The following AXDND1 variants were observed in gnomAD, a reference collection of about 807,000 sequenced individuals.
AXDND1 encodes the protein axonemal dynein light chain domain-containing protein 1.
Under a neutral mutation model 137.5 loss-of-function variants are expected in AXDND1, and 110 were observed. The ratio of observed to expected loss-of-function variants is 0.80; its 90% CI spans 0.69 to 0.94. AXDND1 has a LOEUF of 0.94. AXDND1 is among the 40% of genes least tolerant of loss of function. The probability of loss-of-function intolerance (pLI) is 0.00; values close to 1 mark genes in which losing one functional copy is unlikely to be tolerated. For missense variants in AXDND1, 1,191 were observed against 1,169.8 expected, an observed-to-expected ratio of 1.02 and a Z score of -0.26; for synonymous variants, 414 against 399.7, an observed-to-expected ratio of 1.04 and a Z score of -0.43.
chr1:179,530,099 G>A (rs145436172), intron 23 of AXDND1, among the ~76,000 whole-genome samples: 2 of 152,014 alleles, frequency 1.3e-5, no homozygotes, highest in Admixed American at 6.6e-5. Flanking sequence ...GTGCAATCTC[G>A]GCTCACTGCA....
chr1:179,455,513 G>A (rs1661240865), intron 16 of AXDND1: 1 of 145,620 alleles, frequency 6.9e-6, no homozygotes, highest in Admixed American at 7.3e-5. Context: ...AGAATGGCGT[G>A]AAGCCGGGAC....
chr1:179,511,168 C>G (rs1318568315), intron 21 of AXDND1, among the ~76,000 whole-genome samples: 1 of 149,320 alleles, frequency 6.7e-6, no homozygotes, highest in Non-Finnish European at 1.5e-5. Flanking sequence ...CTCTGTCCCC[C>G]ACAAAAAAAA....
chr1:179,535,443 A>C (rs1671451311), intron 25 of AXDND1, among the ~76,000 whole-genome samples: 1 of 152,056 alleles, frequency 6.6e-6, no homozygotes, highest in Non-Finnish European at 1.5e-5. Flanking sequence ...CTCATTGTTC[A>C]ACTCCCACTT....
intron 17 of AXDND1, among the ~76,000 whole-genome samples, chr1:179,475,918 A>G (rs762061734): frequency 2.6e-5 from 4 of 152,224 alleles, no homozygotes; most frequent in Non-Finnish European, 5.9e-5. Flanking sequence ...TGATTGGATC[A>G]TGGGGGCTGT....
chr1:179,417,544 G>T (rs985025157), intron 12 of AXDND1, among the ~76,000 whole-genome samples: 1 of 152,036 alleles, frequency 6.6e-6, no homozygotes, highest in African/African-American at 2.4e-5. Context: ...GAAATAGGGG[G>T]TCTAGTTTTA....
intron 25 of AXDND1, among the ~76,000 whole-genome samples, chr1:179,539,156 G>T (rs1483765093): frequency 6.6e-6 from 1 of 152,168 alleles, no homozygotes; most frequent in Non-Finnish European, 1.5e-5. Flanking sequence ...TTGCCAGTCT[G>T]TATCTTTTAA....
intron 6 of AXDND1, among the ~76,000 whole-genome samples, chr1:179,381,233 G>C (rs760048563): frequency 2.6e-5 from 4 of 151,204 alleles, no homozygotes; most frequent in Non-Finnish European, 2.9e-5. Context: ...GTAGAAACAG[G>C]GTTTCACCAT....
intron 11 of AXDND1, among the ~76,000 whole-genome samples, chr1:179,410,944 T>G (rs1653774397): frequency 6.6e-6 from 1 of 152,214 alleles, no homozygotes; most frequent in African/African-American, 2.4e-5. Flanking sequence ...TTTATAAGAT[T>G]TATAAATTAA....
chr1:179,508,502 G>A (rs935235973), intron 20 of AXDND1, among the ~76,000 whole-genome samples: 10 of 152,086 alleles, frequency 6.6e-5, no homozygotes, highest in African/African-American at 2.2e-4. Flanking sequence ...AGTTCTCAGG[G>A]CTTTTATTAA....
chr1:179,385,471 G>A (rs982413595), intron 9 of AXDND1, 112 bp downstream of exon 9: 10 of 1,221,308 alleles, frequency 8.2e-6, no homozygotes, highest in Non-Finnish European at 1.2e-5. Flanking sequence ...TCTACTGATC[G>A]TAAGTAATCT....
At chr1:179,426,684 C>A (rs1656616368) in intron 12 of AXDND1, among the ~76,000 whole-genome samples, 1 of 152,026 alleles carries the variant, frequency 6.6e-6, no homozygotes. Flanking sequence ...TTGAAATAAT[C>A]TAAATATCCA....
intron 18 of AXDND1, among the ~76,000 whole-genome samples, chr1:179,486,139 A>AAAAAAAAAAAAAAAAAAAAAT (rs149119239): frequency 3.4e-5 from 3 of 87,770 alleles, no homozygotes; most frequent in Non-Finnish European, 4.6e-5. Flanking sequence ...AAAAAAAAAA[A>AAAAAAAAAAAAAAAAAAAAAT]AACCTGATAG....
At chr1:179,498,286 A>C (rs1174688966) in intron 20 of AXDND1, among the ~76,000 whole-genome samples, 1 of 152,154 alleles carries the variant, frequency 6.6e-6, no homozygotes, top group African/African-American at 2.4e-5. Context: ...ACAGCATGGT[A>C]CTGGTACAAA....
At chr1:179,502,101 A>G (rs1323760393) in intron 20 of AXDND1, among the ~76,000 whole-genome samples, 2 of 152,234 alleles carry the variant, frequency 1.3e-5, no homozygotes, top group Admixed American at 6.5e-5. Context: ...CTAGGAATCA[A>G]TATTATAAAA....
At chr1:179,476,729 T>C (rs1558238125) in intron 17 of AXDND1, among the ~76,000 whole-genome samples, 1 of 152,186 alleles carries the variant, frequency 6.6e-6, no homozygotes, top group Non-Finnish European at 1.5e-5. Context: ...GTTAATCTTA[T>C]TGGGACTCCC....
chr1:179,457,249 T>A (rs1456992355), intron 16 of AXDND1: 2 of 702,344 alleles, frequency 2.8e-6, no homozygotes, highest in East Asian at 2.5e-5. Flanking sequence ...CTTCTCAGGC[T>A]CTCGTTGCTT....
intron 20 of AXDND1, among the ~76,000 whole-genome samples, chr1:179,499,749 T>G (rs1264677503): frequency 6.6e-6 from 1 of 152,016 alleles, no homozygotes; most frequent in African/African-American, 2.4e-5. Context: ...ATGCAAAAAA[T>G]TATTTCAGGA....
At chr1:179,382,270 G>C (rs1489146250) in intron 6 of AXDND1, among the ~76,000 whole-genome samples, 2 of 151,572 alleles carry the variant, frequency 1.3e-5, no homozygotes, top group Admixed American at 1.3e-4. Flanking sequence ...TAGTAGAGAC[G>C]GGGCTTCATC....
At chr1:179,368,507 A>G (rs1300471502) in intron 2 of AXDND1, among the ~76,000 whole-genome samples, 2 of 152,206 alleles carry the variant, frequency 1.3e-5, no homozygotes, top group Admixed American at 6.5e-5. Context: ...TACCTGAGCA[A>G]GTGAAATGAG....
Sources: gnomAD v4.1 joint callset for allele counts (sites outside exome capture counted in the v4.1 genomes callset) on GRCh38, gnomAD v4.1.1 for gene constraint, MANE v1.5 for transcripts, NCBI Gene and HGNC (gene_info 2026-07-23, HGNC 2026-07-21) for gene names.